Variants in C1S observed in about 807,000 individuals in gnomAD.
The protein encoded by C1S is complement C1s.
C1S carries 31 observed loss-of-function variants against 54.0 expected under a neutral mutation model. The ratio of observed to expected loss-of-function variants is 0.57; its 90% CI spans 0.43 to 0.78. The LOEUF is 0.78. Among genes scored for constraint, C1S ranks in the 30% least tolerant of loss-of-function variants. The pLI is 0.00. For synonymous variants in C1S, 292 were observed against 303.6 expected (o/e 0.96, Z 0.40); for missense variants, 727 against 851.8 (o/e 0.85, Z 1.82).
chr12:7,062,705 A>T (rs1354581653), intron 3 of C1S, 23 bp downstream of exon 3: 1 of 1,603,992 alleles, frequency 6.2e-7, no homozygotes, highest in Non-Finnish European at 8.5e-7. Flanking sequence ...CACAAAAAGA[A>T]TAGAGATGGA....
Position 7,065,877 on chromosome 12 carries a change from A to G in C1S, c.778A>G (p.Asn260Asp). 6.2e-7 allele frequency: 1 copy of G among 1,613,282 alleles called. No homozygotes were observed. The highest frequency in any genetic ancestry group is 1.7e-5 in the Admixed American group (1 of 60,008). ...TGGTCATGGATTCCCTGGGCCTCTA[A>G]ATATTGAAACCAAGAGTAATGCTCT... The part of the protein sequence containing the change: ...YCGHGFPGPL[N>D]IETKSNALDI... Residue 260 changes from asparagine to aspartate, a missense_variant, in exon 7 of 12, where the codon AAT becomes GAT. Transcript: ENST00000360817.
At position 7,061,883 on chromosome 12, in the gene C1S, C is replaced by T. The variant is rs782791699; in HGVS notation, c.-30C>T. 3 of 1,613,704 alleles carry T rather than the reference C, an allele frequency of 1.9e-6. No homozygotes were observed. Among genetic ancestry groups the T allele is most frequent in the Non-Finnish European group, 2.5e-6 (3 of 1,179,776 alleles). On this transcript the variant is annotated 5_prime_UTR_variant, in exon 2 of 12. Transcript: ENST00000360817. ...CAGAAAGCCAGGACCAAGAGACAGGCAGCTCACCAGGGTGGACAAATCGCC... is the reference window on the plus strand; with the variant it reads ...CAGAAAGCCAGGACCAAGAGACAGGTAGCTCACCAGGGTGGACAAATCGCC...
rs782335045 is a variant in C1S at position 7,068,475 on chromosome 12, T to C, written c.1215T>C (p.Gly405=). ...TTCCAGGGGAGTATCACTGTGCTGG[T>C]AACGGGAGCTGGGTGAATGAGGTGC... The part of the protein sequence containing the change: ...NGGGGEYHCA[G]NGSWVNEVLG... The change falls in exon 11 of 12, where the codon GGT becomes GGC. Residue 405 remains glycine (G), a synonymous_variant. Transcript: ENST00000360817. The C allele has an allele frequency of 1.1e-5, 17 of 1,613,580 alleles. No homozygotes were observed. The highest frequency in any genetic ancestry group is 1.4e-5 in the Non-Finnish European group (16 of 1,179,580).
rs1555162962 is a variant in C1S at position 7,070,100 on chromosome 12, G to A, written c.1516G>A (p.Glu506Lys). ...GGCAAAATCCAAGATGCTCACTCCTGAGCATGTGTTTATTCATCCGGGATG... is the reference window on the plus strand; with the variant it reads ...GGCAAAATCCAAGATGCTCACTCCTAAGCATGTGTTTATTCATCCGGGATG... The part of the protein sequence containing the change: ...RLAKSKMLTP[E>K]HVFIHPGWKL... The change falls in exon 12 of 12, where the codon GAG (glutamate) becomes AAG (lysine). Residue 506 changes from glutamate (E) to lysine (K), a missense_variant. Transcript: ENST00000360817. The surrounding 1 kb of genome is among the most constrained non-coding windows in gnomAD (Gnocchi z 4.9). The A allele has an allele frequency of 6.2e-7, 1 of 1,614,018 alleles. No individual in the cohort carries two copies. The highest frequency in any genetic ancestry group is 8.5e-7 in the Non-Finnish European group (1 of 1,180,038).
At position 7,065,310 on chromosome 12, in the gene C1S, G is replaced by C; in HGVS notation, c.717+11G>C. The C allele has an allele frequency of 6.3e-7, 1 of 1,598,444 alleles. No homozygotes were observed. Among genetic ancestry groups the C allele is most frequent in the Non-Finnish European group, 8.6e-7 (1 of 1,165,768 alleles). ...CTTGACAGTTTAGTTGTGCGTGATG[G>C]TTGATTAATACCCCACCCTTAACTT... On this transcript the variant is annotated intron_variant, in intron 6 of 11. Transcript: ENST00000360817.
chr12:7,062,105 A>AT lies in C1S; in HGVS notation c.5+190dup, dbSNP rs782039941. On this transcript the variant is annotated intron_variant, in intron 2 of 11. Coordinates refer to ENST00000360817, the MANE Select transcript of C1S (RefSeq NM_001734.5). ...GGCAACATAAGGAGACCCTGTCTCT[A>AT]TTAAAAAAAAAAAAAATTAGCCCAG... 9.9e-4 allele frequency: 602 copies of AT among 607,220 alleles called. 4 individuals carry two copies. The African/African-American group carries it at 0.012, about 12-fold the overall frequency. The allele number at this position is 607,220 out of a possible 1,614,324, so 37.6% of individuals were successfully genotyped here. A position where few individuals can be genotyped will look rare whatever the true frequency, so the allele number is the denominator to read the frequency against.
At chr12:7,067,556 G>A in intron 9 of C1S, 87 bp from the exon 10 acceptor site, 2 of 1,468,554 alleles carry the variant, frequency 1.4e-6, no homozygotes, top group Non-Finnish European at 9.5e-7. Context: ...ATGGGGTGGG[G>A]AAGCAGTGAG....
rs376053252 is a variant in C1S, at chr12:7,061,828, C to T, written c.-74-11C>T. The T allele has an allele frequency of 6.1e-5, 90 of 1,487,272 alleles. No homozygotes were observed. In the African/African-American group the frequency reaches 1.1e-3, roughly 18 times the overall value. 92.1% of individuals were successfully genotyped at this position (1,487,272 alleles called of 1,614,324 possible). A position where few individuals can be genotyped will look rare whatever the true frequency, so the allele number is the denominator to read the frequency against. On this transcript the variant is annotated splice_polypyrimidine_tract_variant and intron_variant, in intron 1 of 11. Transcript: ENST00000360817. The stretch of plus-strand genomic sequence containing the variant: ...TGTCAGACAAATACAGCCAGGCCTG[C>T]CACCCCTTAGGCTCCAAAGTCCGGA...
rs782147213 is a variant in C1S at position 7,066,614 on chromosome 12, A to T, written c.968A>T (p.Asp323Val). Residue 323 changes from aspartate to valine, a missense_variant, in exon 8 of 12, where the codon GAT (aspartate) becomes GTT (valine). By Grantham distance (152) the Asp-to-Val change is radical (BLOSUM62 -3). Around this residue, in one of 3 missense-constraint regions of C1S, gnomAD observed 10 missense variants for 32.8 expected, o/e 0.30. Coordinates refer to ENST00000360817, the MANE Select transcript of C1S (RefSeq NM_001734.5). Reference protein sequence around the residue: ...FRDVVQITCLDGFEVVEGRVG... With the variant: ...FRDVVQITCLVGFEVVEGRVG... Reference sequence around the variant, plus strand: ...GATGTGGTGCAGATAACCTGTCTGGATGGGTTTGAAGTTGTGGAGGTAAAG... The same window carrying T: ...GATGTGGTGCAGATAACCTGTCTGGTTGGGTTTGAAGTTGTGGAGGTAAAG... 1 of 1,612,168 alleles carries T rather than the reference A, an allele frequency of 6.2e-7. No individual in the cohort carries two copies. Among genetic ancestry groups the T allele is most frequent in the African/African-American group, 1.3e-5 (1 of 74,900 alleles).
rs1555161393 is a variant in C1S at position 7,062,499 on chromosome 12, G to A, written c.30G>A (p.Leu10=). ...GGTGCATTGTCCTGTTTTCACTTTT[G>A]GCATGGGTTTATGCTGAGCCTACCA... is the stretch of plus-strand genomic sequence containing the variant. MWCIVLFSL[L]AWVYAEPTMY... Residue 10 remains leucine (L), a synonymous_variant, in exon 3 of 12, where the codon TTG becomes TTA. Coordinates refer to ENST00000360817, the MANE Select transcript of C1S (RefSeq NM_001734.5). The A allele has an allele frequency of 6.2e-7, 1 of 1,613,278 alleles. No homozygotes were observed. Among genetic ancestry groups the A allele is most frequent in the Non-Finnish European group, 8.5e-7 (1 of 1,179,978 alleles).
At chr12:7,063,363 G>C (rs782651896) in intron 4 of C1S, 1 of 498,582 alleles carries the variant, frequency 2.0e-6, no homozygotes, top group East Asian at 5.0e-5. Context: ...TAACACAATC[G>C]TCACTTTAAT....
intron 2 of C1S, 145 bp downstream of exon 2, chr12:7,062,062 G>A: frequency 3.8e-6 from 3 of 787,118 alleles, no homozygotes; most frequent in South Asian, 1.4e-5. Context: ...TTGAGCCCAG[G>A]ACTTTGAGAC....
At chr12:7,063,444 C>G (rs780847388) in intron 4 of C1S, 1 of 440,668 alleles carries the variant, frequency 2.3e-6, no homozygotes, top group East Asian at 7.0e-5. Context: ...TAATAACTTG[C>G]CAAGAATCAC....
rs2135725100 is a variant in C1S at position 7,065,933 on chromosome 12, G to A, written c.834G>A (p.Gly278=). 1.2e-6 allele frequency: 2 copies of A among 1,613,902 alleles called. No homozygotes were observed. The highest frequency in any genetic ancestry group is 2.7e-5 in the African/African-American group (2 of 74,996). The change falls in exon 7 of 12, where the codon GGG becomes GGA. Residue 278 remains glycine (G), a synonymous_variant. Coordinates refer to ENST00000360817, the MANE Select transcript of C1S (RefSeq NM_001734.5). The part of the protein sequence containing the change: ...LDIIFQTDLT[G]QKKGWKLRYH... ...TCATCTTCCAAACTGATCTAACAGG[G>A]CAAAAAAAGGGCTGGAAACTTCGCT...
In C1S at chr12:7,067,633, C is replaced by T. The variant is rs1440672340; in HGVS notation, c.1067-10C>T. 6 of 1,613,588 alleles carry T rather than the reference C, an allele frequency of 3.7e-6. No homozygotes were observed. The highest frequency in any genetic ancestry group is 4.5e-5 in the East Asian group (2 of 44,886). ...GTCCTGACCATCGCTCTCCTTCCTT[C>T]GTCTGGTAGCTGTGGACTGTGGCAT... On this transcript the variant is annotated splice_polypyrimidine_tract_variant and intron_variant, in intron 9 of 11. Transcript: ENST00000360817.
At chr12:7,066,402 A>G (rs1565622159) in intron 7 of C1S, 116 bp from the exon 8 acceptor site, 1 of 731,296 alleles carries the variant, frequency 1.4e-6, no homozygotes, top group East Asian at 2.6e-5. Context: ...AATGTTAAGC[A>G]TCAGGATTGA....
At chr12:7,069,218 C>A (rs1937766124) in intron 11 of C1S, among the ~76,000 whole-genome samples, 1 of 152,176 alleles carries the variant, frequency 6.6e-6, no homozygotes, top group African/African-American at 2.4e-5. Flanking sequence ...TCCCTCCAGG[C>A]TGTCTAGTAA....
chr12:7,066,703 G>T lies in C1S; in HGVS notation c.987+70G>T. 5.5e-6 allele frequency: 5 copies of T among 909,864 alleles called. No homozygotes were observed. In the South Asian group the frequency reaches 6.5e-5, roughly 12 times the overall value. 56.4% of individuals were successfully genotyped at this position (909,864 alleles called of 1,614,324 possible). A position where few individuals can be genotyped will look rare whatever the true frequency, so the allele number is the denominator to read the frequency against. On this transcript the variant is annotated intron_variant, in intron 8 of 11. Coordinates refer to ENST00000360817, the MANE Select transcript of C1S (RefSeq NM_001734.5). ...AGGATGAGCGGACTGAAATTGTCCAGTTGTTTACCCAATGTATGTGTGTGA... is the reference window on the plus strand; with the variant it reads ...AGGATGAGCGGACTGAAATTGTCCATTTGTTTACCCAATGTATGTGTGTGA...
chr12:7,064,438 T>A (rs782398290), intron 5 of C1S, 46 bp downstream of exon 5: 2 of 1,612,936 alleles, frequency 1.2e-6, no homozygotes, highest in East Asian at 4.5e-5. Context: ...GGATTTGGAA[T>A]GGCTGAGGCC....
Sources: allele counts gnomAD v4.1 joint callset (sites outside exome capture counted in the v4.1 genomes callset), GRCh38; gene constraint gnomAD v4.1.1; regional missense constraint gnomAD v4.1.1; non-coding constraint Gnocchi (gnomAD v3.1); transcripts MANE v1.5; gene names NCBI Gene and HGNC (gene_info 2026-07-23, HGNC 2026-07-21).